Variants in ARHGEF10 observed in about 807,000 individuals in gnomAD.
ARHGEF10 encodes the protein Rho guanine nucleotide exchange factor (GEF) 10.
In ARHGEF10, 140 loss-of-function variants were observed where a neutral mutation model predicts 147.4. That is an observed-to-expected ratio of 0.95 (90% CI 0.83 to 1.09). The LOEUF (loss-of-function observed/expected upper bound fraction) is 1.09, where lower values mean the gene tolerates loss of function less well. ARHGEF10 is among the 50% of genes least tolerant of loss of function. The pLI, the probability that ARHGEF10 is intolerant of heterozygous loss-of-function variation, is 0.00. For synonymous variants in ARHGEF10, 902 were observed against 695.8 expected, an observed-to-expected ratio of 1.30 and a Z score of -4.67; for missense variants, 2,222 against 1,752.7, an observed-to-expected ratio of 1.27 and a Z score of -4.78.
intron 8 of ARHGEF10, among the ~76,000 whole-genome samples, chr8:1,878,486 G>A (rs1807899555): frequency 6.6e-6 from 1 of 152,164 alleles, no homozygotes; most frequent in African/African-American, 2.4e-5. Context: ...CACCCGGCCT[G>A]CAATTGTAGT....
At chr8:1,909,741 G>T (rs113353876) in intron 18 of ARHGEF10, among the ~76,000 whole-genome samples, 1 of 152,156 alleles carries the variant, frequency 6.6e-6, no homozygotes, top group Non-Finnish European at 1.5e-5. Flanking sequence ...CCGTCTTCCC[G>T]GTCCAGTGAG....
At chr8:1,859,491 A>C (rs1201213075) in intron 3 of ARHGEF10, among the ~76,000 whole-genome samples, 1 of 145,188 alleles carries the variant, frequency 6.9e-6, no homozygotes, top group South Asian at 2.2e-4. Context: ...GGTTGTTTGC[A>C]CAGTGTTTCT....
chr8:1,858,992 G>C (rs922743273), intron 3 of ARHGEF10, among the ~76,000 whole-genome samples: 2 of 151,368 alleles, frequency 1.3e-5, no homozygotes, highest in Non-Finnish European at 2.9e-5. Context: ...TCTTTGCATG[G>C]TTTCTTTGTG....
chr8:1,912,378 G>A (rs1188534865), intron 18 of ARHGEF10, among the ~76,000 whole-genome samples: 1 of 152,084 alleles, frequency 6.6e-6, no homozygotes, highest in Non-Finnish European at 1.5e-5. Context: ...AAAGTGCTGT[G>A]TGGAATGTGC....
At chr8:1,924,434 A>C (rs1302783722) in intron 21 of ARHGEF10, among the ~76,000 whole-genome samples, 1 of 152,206 alleles carries the variant, frequency 6.6e-6, no homozygotes, top group Non-Finnish European at 1.5e-5. Flanking sequence ...ACTTATACAC[A>C]TGCTTACAGA....
chr8:1,936,842 C>T (rs1813652000), intron 26 of ARHGEF10, among the ~76,000 whole-genome samples: 1 of 152,164 alleles, frequency 6.6e-6, no homozygotes, highest in Non-Finnish European at 1.5e-5. Context: ...TCCTGAGCTG[C>T]CACGTGGACA....
Position 1,894,570 on chromosome 8 carries a change from T to C in ARHGEF10, c.1438T>C (p.Ser480Pro). 6.2e-7 allele frequency: 1 copy of C among 1,613,988 alleles called. No individual in the cohort carries two copies. The highest frequency in any genetic ancestry group is 8.5e-7 in the Non-Finnish European group (1 of 1,179,952). Residue 480 changes from serine to proline, a missense_variant and splice_region_variant, in exon 13 of 29, where the codon TCG becomes CCG. Coordinates refer to ENST00000349830, the MANE Select transcript of ARHGEF10 (RefSeq NM_014629.4). ...AATGATAGGCGATGTCTTCGTGGCTTCGGTAATTAAGCTGGGACACCTGGA... is the reference window on the plus strand; with the variant it reads ...AATGATAGGCGATGTCTTCGTGGCTCCGGTAATTAAGCTGGGACACCTGGA... Reference protein sequence around the residue: ...VEMIGDVFVASFSKSMVLDAY... With the variant: ...VEMIGDVFVAPFSKSMVLDAY...
At chr8:1,924,540 G>A (rs959537545) in intron 21 of ARHGEF10, among the ~76,000 whole-genome samples, 1 of 152,224 alleles carries the variant, frequency 6.6e-6, no homozygotes, top group Non-Finnish European at 1.5e-5. Flanking sequence ...AAATACAGAA[G>A]AGAAATGCAG....
chr8:1,862,696 G>A (rs1373712399), intron 4 of ARHGEF10, among the ~76,000 whole-genome samples: 4 of 152,178 alleles, frequency 2.6e-5, no homozygotes, highest in East Asian at 1.9e-4. Context: ...TGGGCAGCAC[G>A]TCCTGCCTTT....
intron 27 of ARHGEF10, among the ~76,000 whole-genome samples, chr8:1,949,726 G>A (rs778199577): frequency 6.6e-6 from 1 of 151,758 alleles, no homozygotes; most frequent in Non-Finnish European, 1.5e-5. Flanking sequence ...CACCGTAAGG[G>A]AATTCAGTAA....
intron 8 of ARHGEF10, among the ~76,000 whole-genome samples, chr8:1,878,480 C>T (rs896451742): frequency 6.6e-5 from 10 of 152,176 alleles, no homozygotes; most frequent in South Asian, 2.1e-4. Flanking sequence ...CCACTGCACC[C>T]GGCCTGCAAT....
Position 1,923,029 on chromosome 8 carries a change from G to A in ARHGEF10, c.2209G>A (p.Val737Ile), listed in dbSNP as rs746200283. ...DLQNLLHDLN[V>I]IGQITQLIGN... is the part of the protein sequence containing the mutation. ...ACAAAACTTGTTGCATGACTTAAATGTAATTGGCCAAATCACTCAGCTGAT... is the reference window on the plus strand; with the variant it reads ...ACAAAACTTGTTGCATGACTTAAATATAATTGGCCAAATCACTCAGCTGAT... Residue 737 changes from valine to isoleucine, a missense_variant, in exon 19 of 29, where the codon GTA becomes ATA. By Grantham distance (29) the Val-to-Ile change is conservative (BLOSUM62 3). Coordinates refer to ENST00000349830, the MANE Select transcript of ARHGEF10 (RefSeq NM_014629.4). The A allele has an allele frequency of 1.2e-5, 19 of 1,613,562 alleles. No homozygotes were observed. The highest frequency in any genetic ancestry group is 1.6e-5 in the Non-Finnish European group (19 of 1,179,908).
chr8:1,876,328 G>A, intron 7 of ARHGEF10: 2 of 572,448 alleles, frequency 3.5e-6, no homozygotes, highest in Non-Finnish European at 6.2e-6. Flanking sequence ...TACAGATGGG[G>A]CAGGGGCACT....
chr8:1,839,167 AC>A (rs1803778249), intron 1 of ARHGEF10, among the ~76,000 whole-genome samples: 1 of 108,216 alleles, frequency 9.2e-6, no homozygotes, highest in African/African-American at 4.1e-5. Flanking sequence ...CGGTGTGGGG[AC>A]AGTCTGGTGT....
intron 18 of ARHGEF10, among the ~76,000 whole-genome samples, chr8:1,918,814 C>T (rs1044284109): frequency 2.6e-5 from 4 of 152,046 alleles, no homozygotes; most frequent in African/African-American, 4.8e-5. Context: ...ATAGAGCTGC[C>T]TCTGTGGGTG....
chr8:1,942,390 A>G (rs992650899), intron 26 of ARHGEF10, among the ~76,000 whole-genome samples: 4 of 151,832 alleles, frequency 2.6e-5, no homozygotes, highest in African/African-American at 9.7e-5. Flanking sequence ...GGAATCATGG[A>G]GCGAAACCAC....
At chr8:1,951,752 T>C (rs1051075950) in intron 27 of ARHGEF10, among the ~76,000 whole-genome samples, 6 of 152,348 alleles carry the variant, frequency 3.9e-5, no homozygotes, top group African/African-American at 1.2e-4. Context: ...ACACTGGGGA[T>C]TAGCTTTTCT....
chr8:1,923,140 G>T, intron 19 of ARHGEF10, 61 bp downstream of exon 19: 1 of 1,227,912 alleles, frequency 8.1e-7, no homozygotes. Flanking sequence ...TTGTAAGTAT[G>T]TGATTATATC....
In ARHGEF10 at chr8:1,937,327, AC is replaced by A. The variant is rs1328803338; in HGVS notation, c.3222+3389del. The stretch of plus-strand genomic sequence containing the variant: ...TTCTTGAGTTTTTCACAGCCCTTGT[AC>A]CCCATCAGTACAGCCATCCTAGTAA... On this transcript the variant is annotated intron_variant, in intron 26 of 28. Coordinates refer to ENST00000349830, the MANE Select transcript of ARHGEF10 (RefSeq NM_014629.4). This position sits in a 1 kb window ranked among gnomAD's most constrained non-coding sequence, Gnocchi z 4.9. 6.6e-6 allele frequency among the ~76,000 whole-genome samples: 1 copy of A among 152,082 alleles called. No individual in the cohort carries two copies. Among genetic ancestry groups the A allele is most frequent in the Non-Finnish European group, 1.5e-5 (1 of 68,022 alleles).
Sources: allele counts gnomAD v4.1 joint callset (sites outside exome capture counted in the v4.1 genomes callset), GRCh38; gene constraint gnomAD v4.1.1; non-coding constraint Gnocchi (gnomAD v3.1); transcripts MANE v1.5; gene names NCBI Gene and HGNC (gene_info 2026-07-23, HGNC 2026-07-21).